The following RO60 variants were observed in gnomAD, a reference collection of about 807,000 sequenced individuals.
The protein encoded by RO60 is RNA-binding protein RO60.
In RO60, 20 loss-of-function variants were observed where a neutral mutation model predicts 55.3. The observed-to-expected ratio is 0.36, with a 90% CI of 0.25 to 0.53. The LOEUF (loss-of-function observed/expected upper bound fraction) is 0.53, where lower values mean the gene tolerates loss of function less well. Among genes scored for constraint, RO60 ranks in the 20% least tolerant of loss-of-function variants. RO60 has a pLI of 0.92. For missense variants in RO60, 558 were observed against 646.6 expected (o/e 0.86, Z 1.49); for synonymous variants, 213 against 213.6 (o/e 1.00, Z 0.02).
chr1:193,064,284 T>C (rs577756932), intron 1 of RO60, among the ~76,000 whole-genome samples: 4 of 152,340 alleles, frequency 2.6e-5, no homozygotes, highest in Middle Eastern at 3.4e-3. Context: ...GACCAGTTTA[T>C]TCCTCTAAAC....
At chr1:193,091,316 A>C (rs1318792887), downstream of RO60, 1 of 201,202 alleles carries the variant, frequency 5.0e-6, no homozygotes, top group African/African-American at 2.3e-5. Context: ...ACATTTTTAC[A>C]TTCACTTTGC....
In RO60 at chr1:193,076,553, T is replaced by C. The variant is rs1295994292; in HGVS notation, c.854T>C (p.Leu285Pro). 1.2e-6 allele frequency: 2 copies of C among 1,612,750 alleles called. No individual in the cohort carries two copies. The highest frequency in any genetic ancestry group is 2.2e-5 in the East Asian group (1 of 44,756). The change falls in exon 4 of 9, where the codon CTA becomes CCA. Residue 285 changes from leucine (L) to proline (P), a missense_variant. Transcript: ENST00000400968. ...EMPLTALLRN[L>P]GKMTANSVLE... Reference sequence around the variant, plus strand: ...CCGCTTACTGCATTACTAAGGAATCTAGGAAAGATGACTGCTAATTCAGTA... The same window carrying C: ...CCGCTTACTGCATTACTAAGGAATCCAGGAAAGATGACTGCTAATTCAGTA...
At chr1:193,075,748 T>G in intron 2 of RO60, 72 bp from the exon 3 acceptor site, 1 of 1,148,126 alleles carries the variant, frequency 8.7e-7, no homozygotes, top group Non-Finnish European at 1.3e-6. Context: ...ATATAATGCA[T>G]TTTGAGGAAA....
intron 6 of RO60, among the ~76,000 whole-genome samples, chr1:193,081,707 A>G (rs1014163685): frequency 2.0e-5 from 3 of 152,180 alleles, no homozygotes; most frequent in African/African-American, 7.2e-5. Context: ...TTTTTACAAC[A>G]AAAGATTAAA....
At chr1:193,061,263 C>T (rs1672670007) in intron 1 of RO60, among the ~76,000 whole-genome samples, 1 of 152,186 alleles carries the variant, frequency 6.6e-6, no homozygotes, top group Non-Finnish European at 1.5e-5. Context: ...TTTATAGCAT[C>T]ACATTGATCA....
intron 5 of RO60, among the ~76,000 whole-genome samples, chr1:193,079,334 C>G (rs1369691802): frequency 1.3e-5 from 2 of 152,094 alleles, no homozygotes; most frequent in African/African-American, 4.8e-5. Flanking sequence ...AGTGATCCGC[C>G]CACCTTGGCC....
chr1:193,089,562 A>T lies in RO60; in HGVS notation c.*4831A>T, dbSNP rs933107302. 1.3e-5 allele frequency: 2 copies of T among 152,160 alleles called. No homozygotes were observed. The highest frequency in any genetic ancestry group is 2.4e-5 in the African/African-American group (1 of 41,458). 9.4% of individuals were successfully genotyped at this position (152,160 alleles called of 1,614,324 possible). A position where few individuals can be genotyped will look rare whatever the true frequency, so the allele number is the denominator to read the frequency against. ...ATTATAATAAATGGCACAATTCCTT[A>T]AACCCTGAAAATACCAAGTTATATT... On this transcript the variant is annotated 3_prime_UTR_variant, in exon 9 of 9. Transcript: ENST00000400968.
chr1:193,081,758 A>G (rs1260974044), intron 6 of RO60, among the ~76,000 whole-genome samples: 1 of 152,148 alleles, frequency 6.6e-6, no homozygotes, highest in African/African-American at 2.4e-5. Context: ...GCTTAGATAA[A>G]ATGAAAAAAA....
chr1:193,068,507 A>G (rs1673266909), intron 1 of RO60, among the ~76,000 whole-genome samples: 1 of 152,240 alleles, frequency 6.6e-6, no homozygotes, highest in Admixed American at 6.5e-5. Flanking sequence ...TTAGATAGGC[A>G]ACCAAACATG....
Position 193,085,548 on chromosome 1 carries a change from T to C in RO60, c.*817T>C. The C allele has an allele frequency of 5.1e-6, 5 of 984,840 alleles. No individual in the cohort carries two copies. Among genetic ancestry groups the C allele is most frequent in the Non-Finnish European group, 6.0e-6 (5 of 829,488 alleles). The allele number at this position is 984,840 out of a possible 1,614,324, so 61.0% of individuals were successfully genotyped here. A position where few individuals can be genotyped will look rare whatever the true frequency, so the allele number is the denominator to read the frequency against. On this transcript the variant is annotated 3_prime_UTR_variant, in exon 9 of 9. Transcript: ENST00000400968. ...CATAGCCAGATGTAGTCTCACACTGTTTTTCATACTCTTAAGTGTAAATAA... is the reference window on the plus strand; with the variant it reads ...CATAGCCAGATGTAGTCTCACACTGCTTTTCATACTCTTAAGTGTAAATAA...
intron 6 of RO60, 22 bp from the exon 7 acceptor site, chr1:193,082,164 T>G (rs564479770): frequency 6.7e-7 from 1 of 1,499,458 alleles, no homozygotes; most frequent in Non-Finnish European, 9.3e-7. Context: ...TTGCTGAAAA[T>G]TACTGCCATT....
chr1:193,077,717 G>T (rs576882652), intron 5 of RO60, among the ~76,000 whole-genome samples: 2 of 152,208 alleles, frequency 1.3e-5, no homozygotes, highest in South Asian at 4.1e-4. Context: ...TTGGCAGAAG[G>T]GGGAATATGG....
intron 8 of RO60, among the ~76,000 whole-genome samples, chr1:193,084,160 A>T (rs1674503794): frequency 6.6e-6 from 1 of 152,254 alleles, no homozygotes; most frequent in Non-Finnish European, 1.5e-5. Context: ...ACATGTGTAT[A>T]TCGCACATAT....
chr1:193,070,392 T>C (rs967965401), intron 2 of RO60, among the ~76,000 whole-genome samples: 9 of 152,184 alleles, frequency 5.9e-5, no homozygotes, highest in African/African-American at 1.4e-4. Context: ...TCTGTATCTA[T>C]GGAAAGAGAC....
At chr1:193,064,374 A>G (rs894893111) in intron 1 of RO60, among the ~76,000 whole-genome samples, 1 of 152,134 alleles carries the variant, frequency 6.6e-6, no homozygotes, top group Non-Finnish European at 1.5e-5. Context: ...TGTAACAAAG[A>G]CACTCCTATT....
In RO60 at chr1:193,085,103, T is replaced by A. The variant is rs760269138; in HGVS notation, c.*372T>A. 28 of 1,456,150 alleles carry A rather than the reference T, an allele frequency of 1.9e-5. No individual in the cohort carries two copies. Among genetic ancestry groups the A allele is most frequent in the Non-Finnish European group, 2.5e-5 (28 of 1,107,306 alleles). The allele number at this position is 1,456,150 out of a possible 1,614,324, so 90.2% of individuals were successfully genotyped here. ...GAGAAGTGCTTAACGTTTTCTTAAA[T>A]GTTTTCATTGGGAAAGGACAGCTTT... is the stretch of plus-strand genomic sequence containing the variant. On this transcript the variant is annotated 3_prime_UTR_variant, in exon 9 of 9. Coordinates refer to ENST00000400968, the MANE Select transcript of RO60 (RefSeq NM_001173524.2).
intron 2 of RO60, among the ~76,000 whole-genome samples, chr1:193,075,553 AAAAG>A (rs1360571065): frequency 2.0e-5 from 3 of 152,184 alleles, no homozygotes; most frequent in South Asian, 4.1e-4. Flanking sequence ...CTTTAAAAAG[AAAAG>A]AAAGAAAAGC....
rs1377964149 is a variant in RO60 at position 193,091,086 on chromosome 1, A to G, written c.*6355A>G. The stretch of plus-strand genomic sequence containing the variant: ...TATCCAACAGGTTGGACTTTGTAAC[A>G]TGATATCCAAGGACCAAGTTGCATA... On this transcript the variant is annotated 3_prime_UTR_variant, in exon 9 of 9. Coordinates refer to ENST00000400968, the MANE Select transcript of RO60 (RefSeq NM_001173524.2). 1 of 152,310 alleles carries G rather than the reference A, an allele frequency of 6.6e-6. No homozygotes were observed. The highest frequency in any genetic ancestry group is 6.5e-5 in the Admixed American group (1 of 15,288). 9.4% of individuals were successfully genotyped at this position (152,310 alleles called of 1,614,324 possible). A position where few individuals can be genotyped will look rare whatever the true frequency, so the allele number is the denominator to read the frequency against.
chr1:193,091,305 C>T (rs1674849241), downstream of RO60: 1 of 189,292 alleles, frequency 5.3e-6, no homozygotes, highest in South Asian at 1.2e-4. Flanking sequence ...TAATTACATT[C>T]ACATTTTTAC....
Sources: gnomAD v4.1 joint callset for allele counts (sites outside exome capture counted in the v4.1 genomes callset) on GRCh38, gnomAD v4.1.1 for gene constraint, MANE v1.5 for transcripts, NCBI Gene and HGNC (gene_info 2026-07-23, HGNC 2026-07-21) for gene names.